Variants in LINS1 observed in about 807,000 individuals in gnomAD.
The protein encoded by LINS1 is lines homolog 1, also known as protein Lines homolog 1.
A neutral mutation model predicts 41.6 loss-of-function variants in LINS1; 27 were observed. The observed-to-expected ratio is 0.65, with a 90% CI of 0.48 to 0.89. The LOEUF is 0.89. Ranked by LOEUF, LINS1 falls within the 40% of genes least tolerant of loss-of-function variation. The pLI, the probability that LINS1 is intolerant of heterozygous loss-of-function variation, is 0.00. For synonymous variants in LINS1, 336 were observed against 312.9 expected, an observed-to-expected ratio of 1.07 and a Z score of -0.78; for missense variants, 955 against 884.1, an observed-to-expected ratio of 1.08 and a Z score of -1.02.
intron 1 of LINS1, among the ~76,000 whole-genome samples, chr15:100,588,236 A>T (rs2038894328): frequency 6.6e-6 from 1 of 152,192 alleles, no homozygotes; most frequent in Admixed American, 6.5e-5. Context: ...GGCCCAGCCA[A>T]TTGGTCAGTC....
chr15:100,598,895 C>G (rs1159370974), intron 1 of LINS1, among the ~76,000 whole-genome samples: 1 of 152,190 alleles, frequency 6.6e-6, no homozygotes, highest in African/African-American at 2.4e-5. Context: ...CCACCAAGTG[C>G]TTTATGGGCC....
At position 100,569,122 on chromosome 15, in the gene LINS1, C is replaced by CAA. The variant is rs56225071; in HGVS notation, c.*114_*115dup. The CAA allele has an allele frequency of 0.27, 124,167 of 466,046 alleles. 7,466 individuals carry two copies. The highest frequency in any genetic ancestry group is 0.31 in the African/African-American group (11,634 of 37,576). The allele number at this position is 466,046 out of a possible 1,614,324, so 28.9% of individuals were successfully genotyped here. A position where few individuals can be genotyped will look rare whatever the true frequency, so the allele number is the denominator to read the frequency against. On this transcript the variant is annotated 3_prime_UTR_variant, in exon 7 of 7. Transcript: ENST00000314742. ...TGAGCGACAGAATGAGATTCTGTCT[C>CAA]AAAAAAAAAAAAAAAAAAGAAAACC...
At position 100,596,174 on chromosome 15, in the gene LINS1, C is replaced by T. The variant is rs567976136; in HGVS notation, c.-104+5947G>A. Among the ~76,000 whole-genome samples, 7 of 152,204 alleles carry T rather than the reference C, an allele frequency of 4.6e-5. No homozygotes were observed. In the South Asian group the frequency reaches 1.0e-3, roughly 23 times the overall value. The stretch of plus-strand genomic sequence containing the variant: ...CCTTCAGGGCTAAAGGGGGTGCTGG[C>T]GGTTACTGGCCTTGGAGTGCTACAC... On this transcript the variant is annotated intron_variant, in intron 1 of 6. Transcript: ENST00000314742.
At chr15:100,577,611 T>C (rs1348877032) in intron 3 of LINS1, among the ~76,000 whole-genome samples, 1 of 152,200 alleles carries the variant, frequency 6.6e-6, no homozygotes, top group Non-Finnish European at 1.5e-5. Flanking sequence ...AGGTAGTTTA[T>C]AGATTCAATG....
Position 100,573,743 on chromosome 15 carries a change from G to A in LINS1, c.1130C>T (p.Pro377Leu), listed in dbSNP as rs778069682. The A allele has an allele frequency of 5.6e-6, 9 of 1,613,916 alleles. No homozygotes were observed. The highest frequency in any genetic ancestry group is 4.4e-5 in the South Asian group (4 of 91,078). The change falls in exon 5 of 7, where the codon CCA (proline) becomes CTA (leucine). Residue 377 changes from proline to leucine, a missense_variant. Physicochemically the swap from Pro to Leu is moderately conservative, Grantham distance 98. Transcript: ENST00000314742. Reference protein sequence around the residue: ...VQPECELITSPDHVILRAASL... With the variant: ...VQPECELITSLDHVILRAASL... ...TGCTGCTCTAAGGATCACATGATCTGGACTAGTGATAAGTTCACATTCAGG... is the reference window on the plus strand; with the variant it reads ...TGCTGCTCTAAGGATCACATGATCTAGACTAGTGATAAGTTCACATTCAGG...
Position 100,569,588 on chromosome 15 carries a change from G to A in LINS1, c.1924C>T (p.Gln642Ter). The change falls in exon 7 of 7, where the codon CAG becomes TAG. Residue 642 changes from glutamine (Q) to a stop codon, truncating the protein, a stop_gained. Transcript: ENST00000314742. LOFTEE classifies it low-confidence loss of function (END_TRUNC). ...GTCTGTTTACTGTTAGCTAAACACT[G>A]CTCTGTGGATTCCACGTCAGAATCG... is the stretch of plus-strand genomic sequence containing the variant. ...SDDSDVESTE[Q>*]CLANSKQTSL... 1 of 1,613,824 alleles carries A rather than the reference G, an allele frequency of 6.2e-7. No homozygotes were observed. Among genetic ancestry groups the A allele is most frequent in the African/African-American group, 1.3e-5 (1 of 75,016 alleles).
At chr15:100,594,014 T>C (rs1009274545) in intron 1 of LINS1, among the ~76,000 whole-genome samples, 2 of 152,272 alleles carry the variant, frequency 1.3e-5, no homozygotes, top group African/African-American at 4.8e-5. Flanking sequence ...GGGGATTGGT[T>C]CCAAAACCCA....
At position 100,567,572 on chromosome 15, in the gene LINS1, C is replaced by A. The variant is rs2037602556; in HGVS notation, c.*1666G>T. The A allele has an allele frequency of 1.3e-5, 2 of 152,200 alleles. No individual in the cohort carries two copies. Among genetic ancestry groups the A allele is most frequent in the South Asian group, 4.1e-4 (2 of 4,832 alleles). 9.4% of individuals were successfully genotyped at this position (152,200 alleles called of 1,614,324 possible). A position where few individuals can be genotyped will look rare whatever the true frequency, so the allele number is the denominator to read the frequency against. The stretch of plus-strand genomic sequence containing the variant: ...TTTTACTGGAGATGTTTCACATCCA[C>A]AAACGTGCATAGAACGCATCTACCA... On this transcript the variant is annotated 3_prime_UTR_variant, in exon 7 of 7. Coordinates refer to ENST00000314742, the MANE Select transcript of LINS1 (RefSeq NM_001040616.3).
At chr15:100,571,492 G>C (rs2037821782) in intron 6 of LINS1, among the ~76,000 whole-genome samples, 1 of 152,174 alleles carries the variant, frequency 6.6e-6, no homozygotes. Context: ...ATTCAGAACA[G>C]CTTCTTTGAT....
chr15:100,571,865 G>C lies in LINS1; in HGVS notation c.1394+29C>G, dbSNP rs143841134. 1.9e-6 allele frequency: 3 copies of C among 1,612,966 alleles called. No homozygotes were observed. The East Asian group carries it at 6.7e-5, about 36-fold the overall frequency. ...TTTCTGCTTTCCTGACTTGTAGGCC[G>C]TTCAATAATTACTTTAAAATACACT... On this transcript the variant is annotated intron_variant, in intron 6 of 6. Coordinates refer to ENST00000314742, the MANE Select transcript of LINS1 (RefSeq NM_001040616.3).
intron 4 of LINS1, 29 bp downstream of exon 4, chr15:100,574,958 G>T (rs773165902): frequency 2.5e-5 from 40 of 1,607,644 alleles, no homozygotes; most frequent in Admixed American, 3.3e-5. Context: ...GCAAGATGAT[G>T]ATTGTTTATG....
intron 1 of LINS1, among the ~76,000 whole-genome samples, chr15:100,582,211 A>C: frequency 7.4e-6 from 1 of 134,944 alleles, no homozygotes; most frequent in Non-Finnish European, 1.6e-5. Flanking sequence ...CACTATGGCC[A>C]CTAGCCTAGT....
In LINS1 at chr15:100,573,890, T is replaced by C. The variant is rs142825189; in HGVS notation, c.983A>G (p.His328Arg). 9.3e-6 allele frequency: 15 copies of C among 1,614,084 alleles called. No homozygotes were observed. The highest frequency in any genetic ancestry group is 2.7e-5 in the African/African-American group (2 of 74,952). Residue 328 changes from histidine (H) to arginine (R), a missense_variant, in exon 5 of 7, where the codon CAT becomes CGT. Transcript: ENST00000314742. ...AGCCAGCATGTCCACCGCTACATGA[T>C]GGTCTGGCGGCATTAAGGCAGGCAC... ...GSVPALMPPD[H>R]HVAVDMLALA...
chr15:100,584,809 C>G (rs556947163), intron 1 of LINS1, among the ~76,000 whole-genome samples: 2 of 152,374 alleles, frequency 1.3e-5, no homozygotes, highest in South Asian at 4.1e-4. Flanking sequence ...CAAATGCCAA[C>G]TGCAAGCCCC....
rs2037632692 is a variant in LINS1 at position 100,568,440 on chromosome 15, CACAG to C, written c.*794_*797del. 1 of 152,196 alleles carries C rather than the reference CACAG, an allele frequency of 6.6e-6. No homozygotes were observed. Among genetic ancestry groups the C allele is most frequent in the Non-Finnish European group, 1.5e-5 (1 of 68,094 alleles). The allele number at this position is 152,196 out of a possible 1,614,324, so 9.4% of individuals were successfully genotyped here. A position where few individuals can be genotyped will look rare whatever the true frequency, so the allele number is the denominator to read the frequency against. On this transcript the variant is annotated 3_prime_UTR_variant, in exon 7 of 7. Transcript: ENST00000314742. ...ATGTCCTTGTAGGAGGGAAACTGGA[CACAG>C]ACACAGGAAAATGCCATGTGAGGCA...
At chr15:100,587,157 TAAAAAAA>T (rs56781451) in intron 1 of LINS1, among the ~76,000 whole-genome samples, 3 of 68,276 alleles carry the variant, frequency 4.4e-5, no homozygotes, top group South Asian at 5.6e-4. Flanking sequence ...GACTCTGTCT[TAAAAAAA>T]AAAAAAAAAA....
intron 1 of LINS1, among the ~76,000 whole-genome samples, chr15:100,601,352 C>T (rs995329721): frequency 6.6e-6 from 1 of 152,058 alleles, no homozygotes; most frequent in Non-Finnish European, 1.5e-5. Context: ...AGCAGGCTCA[C>T]GAGTTGTCAA....
intron 5 of LINS1, chr15:100,572,581 CA>C (rs1229530522): frequency 1.0e-6 from 1 of 998,668 alleles, no homozygotes; most frequent in Non-Finnish European, 1.2e-6. Context: ...AATTATATAA[CA>C]GGTGCCATCT....
chr15:100,578,423 A>G (rs2038321642), intron 3 of LINS1, among the ~76,000 whole-genome samples: 1 of 152,160 alleles, frequency 6.6e-6, no homozygotes, highest in South Asian at 2.1e-4. Flanking sequence ...CACATGAAAA[A>G]ATGCTCATCA....
Sources: gnomAD v4.1 joint callset for allele counts (sites outside exome capture counted in the v4.1 genomes callset) on GRCh38, gnomAD v4.1.1 for gene constraint, MANE v1.5 for transcripts, NCBI Gene and HGNC (gene_info 2026-07-23, HGNC 2026-07-21) for gene names.